Variants in RAPGEF5 observed in about 807,000 individuals in gnomAD.
The protein encoded by RAPGEF5 is Rap guanine nucleotide exchange factor 5.
RAPGEF5 carries 65 observed loss-of-function variants against 125.2 expected under a neutral mutation model. The ratio of observed to expected loss-of-function variants is 0.52; its 90% CI spans 0.43 to 0.64. RAPGEF5 has a LOEUF of 0.64. RAPGEF5 is among the 30% of genes least tolerant of loss of function. The pLI, the probability that RAPGEF5 is intolerant of heterozygous loss-of-function variation, is 0.00. For synonymous variants in RAPGEF5, 391 were observed against 385.9 expected, an observed-to-expected ratio of 1.01 and a Z score of -0.16; for missense variants, 958 against 1,048.1, an observed-to-expected ratio of 0.91 and a Z score of 1.19.
At chr7:22,240,232 T>C (rs1321856672) in intron 7 of RAPGEF5, among the ~76,000 whole-genome samples, 2 of 151,380 alleles carry the variant, frequency 1.3e-5, no homozygotes, top group Non-Finnish European at 2.9e-5. Context: ...AAAAAAAGTT[T>C]TCTTTTAATG....
intron 3 of RAPGEF5, among the ~76,000 whole-genome samples, chr7:22,311,116 C>T (rs1380482547): frequency 1.3e-5 from 2 of 152,122 alleles, no homozygotes; most frequent in African/African-American, 4.8e-5. Context: ...ACCTCTGCCT[C>T]CTAGACTTGA....
In RAPGEF5 at chr7:22,139,539, T is replaced by C. The variant is rs1479986117; in HGVS notation, c.2277+486A>G. Among the ~76,000 whole-genome samples the C allele has an allele frequency of 2.0e-5, 3 of 152,260 alleles. No homozygotes were observed. In the East Asian group the frequency reaches 5.8e-4, roughly 29 times the overall value. Reference sequence around the variant, plus strand: ...CTCAGAACCCAAACAGCCTTCGGCGTGCAGAGCCAGGAAGTGGGAGGTCTG... The same window carrying C: ...CTCAGAACCCAAACAGCCTTCGGCGCGCAGAGCCAGGAAGTGGGAGGTCTG... On this transcript the variant is annotated intron_variant, in intron 21 of 25. Coordinates refer to ENST00000665637, the MANE Select transcript of RAPGEF5 (RefSeq NM_012294.5).
rs1175164438 is a variant in RAPGEF5 at position 22,309,974 on chromosome 7, A to G, written c.506T>C (p.Leu169Ser). ...WQLLLDMGIM[L>S]SVDQHLYFQD... ...CTTCAAGACATAATACTAACCTGAT[A>G]ACATAATTCCCATGTCCAGTAGGAG... The change falls in exon 4 of 26, where the codon TTA becomes TCA. Residue 169 changes from leucine (L) to serine (S), a missense_variant. Transcript: ENST00000665637. 1 of 1,584,100 alleles carries G rather than the reference A, an allele frequency of 6.3e-7. No homozygotes were observed. Among genetic ancestry groups the G allele is most frequent in the Non-Finnish European group, 8.5e-7 (1 of 1,170,478 alleles).
intron 15 of RAPGEF5, among the ~76,000 whole-genome samples, 190 bp downstream of exon 15, chr7:22,157,665 C>A (rs1004377008): frequency 2.6e-5 from 4 of 152,152 alleles, no homozygotes; most frequent in Non-Finnish European, 4.4e-5. Context: ...CAGCTAAAAT[C>A]GGATCTGCAC....
At chr7:22,309,906 G>A in intron 4 of RAPGEF5, 63 bp downstream of exon 4, 1 of 1,458,578 alleles carries the variant, frequency 6.9e-7, no homozygotes, top group Non-Finnish European at 9.1e-7. Context: ...AGAAAATCAA[G>A]TGTATTTTCA....
chr7:22,165,137 G>A (rs1287722618), intron 12 of RAPGEF5, among the ~76,000 whole-genome samples: 1 of 152,058 alleles, frequency 6.6e-6, no homozygotes, highest in African/African-American at 2.4e-5. Context: ...GAGTTCATGG[G>A]TTTTGATTAT....
At chr7:22,197,121 T>C (rs1785165180) in intron 9 of RAPGEF5, among the ~76,000 whole-genome samples, 1 of 152,182 alleles carries the variant, frequency 6.6e-6, no homozygotes, top group African/African-American at 2.4e-5. Context: ...AAAGCCTGCC[T>C]GACACTGTAA....
chr7:22,145,826 T>C (rs74794039), intron 19 of RAPGEF5, among the ~76,000 whole-genome samples: 2,149 of 152,224 alleles, frequency 0.014, 48 homozygotes, highest in African/African-American at 0.049. Context: ...TATAAAACAT[T>C]GTCAAACCAT....
At chr7:22,284,304 G>A (rs900140090) in intron 6 of RAPGEF5, among the ~76,000 whole-genome samples, 6 of 152,132 alleles carry the variant, frequency 3.9e-5, no homozygotes, top group African/African-American at 7.2e-5. Flanking sequence ...AGCATTCCAC[G>A]TGGTCCTACA....
intron 11 of RAPGEF5, among the ~76,000 whole-genome samples, chr7:22,189,153 G>T (rs560803474): frequency 6.7e-6 from 1 of 148,954 alleles, no homozygotes; most frequent in South Asian, 2.1e-4. Context: ...TCTATTCTCT[G>T]TTGGCTTTTT....
At chr7:22,314,168 GGCTCAGAAGAATATAGATTCT>G (rs1415829685) in intron 3 of RAPGEF5, among the ~76,000 whole-genome samples, 1 of 152,152 alleles carries the variant, frequency 6.6e-6, no homozygotes, top group African/African-American at 2.4e-5. Flanking sequence ...CTCAATTAAT[GGCTCAGAAGAATATAGATTCT>G]GCCAATTTTG....
chr7:22,257,476 G>T (rs1357269246), intron 7 of RAPGEF5, among the ~76,000 whole-genome samples: 1 of 152,136 alleles, frequency 6.6e-6, no homozygotes, highest in Non-Finnish European at 1.5e-5. Context: ...AAAACAGCAG[G>T]GGCCATACTT....
chr7:22,267,405 T>C (rs1394793191), intron 6 of RAPGEF5, among the ~76,000 whole-genome samples: 2 of 152,148 alleles, frequency 1.3e-5, no homozygotes, highest in East Asian at 1.9e-4. Context: ...AAGATGCTAG[T>C]TTATAAAGAA....
chr7:22,194,959 AAAGGAACTAT>A (rs1401300852), intron 9 of RAPGEF5, among the ~76,000 whole-genome samples: 2 of 152,214 alleles, frequency 1.3e-5, no homozygotes, highest in African/African-American at 4.8e-5. Flanking sequence ...AGCCCGGGAG[AAAGGAACTAT>A]AAGATGCATG....
intron 8 of RAPGEF5, among the ~76,000 whole-genome samples, chr7:22,226,584 T>C (rs1024285575): frequency 1.1e-4 from 17 of 152,238 alleles, no homozygotes; most frequent in Admixed American, 2.6e-4. Context: ...CCCTTGAGAA[T>C]TGGGAAATGA....
chr7:22,257,060 T>A (rs1273782022), intron 7 of RAPGEF5, among the ~76,000 whole-genome samples: 1 of 152,186 alleles, frequency 6.6e-6, no homozygotes, highest in Non-Finnish European at 1.5e-5. Flanking sequence ...GGGCTGAAAC[T>A]AAAAATTTTT....
intron 5 of RAPGEF5, among the ~76,000 whole-genome samples, chr7:22,292,976 T>C (rs1782968142): frequency 6.6e-6 from 1 of 152,356 alleles, no homozygotes; most frequent in South Asian, 2.1e-4. Flanking sequence ...GCTGTTTTAG[T>C]GACAAACAAT....
At chr7:22,237,444 T>C (rs1336772212) in intron 7 of RAPGEF5, among the ~76,000 whole-genome samples, 1 of 149,000 alleles carries the variant, frequency 6.7e-6, no homozygotes, top group East Asian at 2.0e-4. Flanking sequence ...TCTGAGTTCT[T>C]TCCTCAGGAA....
Position 22,122,528 on chromosome 7 carries a change from T to G in RAPGEF5, c.2537-7A>C. 6.3e-7 allele frequency: 1 copy of G among 1,595,910 alleles called. No individual in the cohort carries two copies. Among genetic ancestry groups the G allele is most frequent in the East Asian group, 2.2e-5 (1 of 44,746 alleles). ...TCTTTTGGAGACAGGTCACCTGTTG[T>G]TTAGAGGGGGAAAAAAGACAATCTC... On this transcript the variant is annotated splice_region_variant and splice_polypyrimidine_tract_variant and intron_variant, in intron 25 of 25. Transcript: ENST00000665637.
Sources: allele counts gnomAD v4.1 joint callset (sites outside exome capture counted in the v4.1 genomes callset), GRCh38; gene constraint gnomAD v4.1.1; transcripts MANE v1.5; gene names NCBI Gene and HGNC (gene_info 2026-07-23, HGNC 2026-07-21).